The following MAST4 variants were observed in gnomAD, a reference collection of about 807,000 sequenced individuals.
MAST4 encodes microtubule associated serine/threonine kinase family member 4.
MAST4 carries 89 observed loss-of-function variants against 162.7 expected under a neutral mutation model. The observed-to-expected ratio is 0.55, with a 90% CI of 0.46 to 0.65. MAST4 has a LOEUF of 0.65. Among genes scored for constraint, MAST4 ranks in the 30% least tolerant of loss-of-function variants. The pLI, the probability that MAST4 is intolerant of heterozygous loss-of-function variation, is 0.00. For missense variants in MAST4, 3,153 were observed against 3,374.0 expected, an observed-to-expected ratio of 0.93 and a Z score of 1.62; for synonymous variants, 1,479 against 1,361.1, an observed-to-expected ratio of 1.09 and a Z score of -1.91.
chr5:66,941,464 C>T (rs1743361514), intron 4 of MAST4, among the ~76,000 whole-genome samples: 1 of 152,132 alleles, frequency 6.6e-6, no homozygotes, highest in African/African-American at 2.4e-5. Context: ...ACAGCTTCCT[C>T]ACCCCTCTTA....
chr5:66,766,360 TAAG>T (rs1754097104), intron 2 of MAST4, among the ~76,000 whole-genome samples: 1 of 152,154 alleles, frequency 6.6e-6, no homozygotes, highest in Non-Finnish European at 1.5e-5. Flanking sequence ...CACATAATAA[TAAG>T]AAATCAGCTT....
rs60667011 is a variant in MAST4, at chr5:66,843,684, T to G, written c.642+54890T>G. Among the ~76,000 whole-genome samples, 904 of 152,294 alleles carry G rather than the reference T, an allele frequency of 5.9e-3. 10 individuals carry two copies. The highest frequency in any genetic ancestry group is 0.021 in the African/African-American group (865 of 41,560). On this transcript the variant is annotated intron_variant, in intron 3 of 28. Transcript: ENST00000403625. ...ATGGTTTGAATTGAGTCACTTTCTG[T>G]CACTTTCTGGGAGCCATATCAAAAA...
intron 3 of MAST4, among the ~76,000 whole-genome samples, chr5:66,896,430 TTTCTA>T (rs1260736710): frequency 6.6e-6 from 1 of 152,214 alleles, no homozygotes; most frequent in Non-Finnish European, 1.5e-5. Context: ...TTGTTCCCTT[TTTCTA>T]TTCTATTATT....
intron 10 of MAST4, among the ~76,000 whole-genome samples, chr5:67,108,952 A>C (rs1411926578): frequency 1.3e-5 from 2 of 152,130 alleles, no homozygotes; most frequent in African/African-American, 4.8e-5. Context: ...AAATCATAAA[A>C]ACAAAGATTA....
intron 4 of MAST4, among the ~76,000 whole-genome samples, chr5:66,995,532 A>G (rs1474562023): frequency 6.6e-6 from 1 of 152,112 alleles, no homozygotes; most frequent in Non-Finnish European, 1.5e-5. Flanking sequence ...CCTTCCAAGT[A>G]GCTGGGACTA....
chr5:67,000,966 G>A (rs532653606), intron 4 of MAST4, among the ~76,000 whole-genome samples: 1 of 152,218 alleles, frequency 6.6e-6, no homozygotes, highest in East Asian at 1.9e-4. Flanking sequence ...GGCTAACAAT[G>A]TCATCCTGAT....
chr5:66,727,211 C>T (rs1252199326), intron 1 of MAST4, among the ~76,000 whole-genome samples: 4 of 152,164 alleles, frequency 2.6e-5, no homozygotes, highest in African/African-American at 7.2e-5. Context: ...CCAACACACA[C>T]ATAACTAACT....
At chr5:67,100,771 T>C (rs1255653170) in intron 8 of MAST4, among the ~76,000 whole-genome samples, 179 bp downstream of exon 8, 4 of 152,222 alleles carry the variant, frequency 2.6e-5, no homozygotes, top group Non-Finnish European at 5.9e-5. Flanking sequence ...AGGCATCTTA[T>C]AAGTTTCCTT....
intron 4 of MAST4, among the ~76,000 whole-genome samples, chr5:66,923,401 G>A (rs996737187): frequency 3.9e-5 from 6 of 152,166 alleles, no homozygotes; most frequent in Non-Finnish European, 8.8e-5. Flanking sequence ...GAAGATAATC[G>A]AGACAGGTGT....
chr5:66,837,081 AG>A (rs1357520631), intron 3 of MAST4, among the ~76,000 whole-genome samples: 1 of 123,102 alleles, frequency 8.1e-6, no homozygotes, highest in Non-Finnish European at 1.6e-5. Flanking sequence ...GTGGGATAGA[AG>A]GAAAGAGCAT....
chr5:67,067,745 TCC>T (rs1760421789), intron 5 of MAST4, among the ~76,000 whole-genome samples: 1 of 152,026 alleles, frequency 6.6e-6, no homozygotes, highest in African/African-American at 2.4e-5. Context: ...AAAAATCAAC[TCC>T]AGTAGATCAG....
chr5:66,610,119 AG>A (rs1176211681), intron 1 of MAST4, among the ~76,000 whole-genome samples: 1 of 152,154 alleles, frequency 6.6e-6, no homozygotes, highest in Non-Finnish European at 1.5e-5. Flanking sequence ...CACCATTTAA[AG>A]GAACGATCTG....
chr5:66,928,137 G>T (rs1040375248), intron 4 of MAST4, among the ~76,000 whole-genome samples: 1 of 152,156 alleles, frequency 6.6e-6, no homozygotes, highest in Non-Finnish European at 1.5e-5. Flanking sequence ...AAGGTACCAG[G>T]TGTTAGGACT....
chr5:66,753,104 G>A lies in MAST4; in HGVS notation c.364-6605G>A, dbSNP rs1467581947. 5.1e-4 allele frequency among the ~76,000 whole-genome samples: 78 copies of A among 151,728 alleles called. 1 individual carries two copies. The highest frequency in any genetic ancestry group is 3.7e-4 in the Non-Finnish European group (25 of 67,920). ...AATAAAGATGTTCTTTGAAACCAAC[G>A]AGAACAAAGACACAACATACCAGAA... On this transcript the variant is annotated intron_variant, in intron 1 of 28. Coordinates refer to ENST00000403625, the MANE Select transcript of MAST4 (RefSeq NM_001164664.2).
At chr5:67,050,222 C>T (rs1437796656) in intron 4 of MAST4, among the ~76,000 whole-genome samples, 1 of 152,134 alleles carries the variant, frequency 6.6e-6, no homozygotes, top group Non-Finnish European at 1.5e-5. Context: ...TTGAGAAGCT[C>T]CTTGTGAAAC....
intron 4 of MAST4, among the ~76,000 whole-genome samples, chr5:67,020,703 C>G (rs1254530007): frequency 6.6e-6 from 1 of 152,178 alleles, no homozygotes; most frequent in Non-Finnish European, 1.5e-5. Flanking sequence ...GACTTGTGAC[C>G]TTGGCAGGCC....
At chr5:66,944,299 C>G (rs1426154301) in intron 4 of MAST4, among the ~76,000 whole-genome samples, 2 of 152,126 alleles carry the variant, frequency 1.3e-5, no homozygotes, top group Non-Finnish European at 2.9e-5. Flanking sequence ...AGGTCACCAT[C>G]TTCTACCCTT....
chr5:66,884,746 G>A (rs759292252), intron 3 of MAST4, among the ~76,000 whole-genome samples: 14 of 152,122 alleles, frequency 9.2e-5, no homozygotes, highest in Non-Finnish European at 1.5e-4. Context: ...GAAAAAAGAC[G>A]GCTAGCCGCC....
At chr5:67,100,360 C>T in intron 7 of MAST4, 75 bp from the exon 8 acceptor site, 2 of 1,456,532 alleles carry the variant, frequency 1.4e-6, no homozygotes, top group South Asian at 2.4e-5. Context: ...CCAAGTTTAA[C>T]TCATCGATCT....
Sources: allele counts gnomAD v4.1 joint callset (sites outside exome capture counted in the v4.1 genomes callset), GRCh38; gene constraint gnomAD v4.1.1; transcripts MANE v1.5; gene names NCBI Gene and HGNC (gene_info 2026-07-23, HGNC 2026-07-21).